ELP2: variants seen among roughly 807,000 people sequenced by gnomAD.
ELP2 encodes elongator complex protein 2.
ELP2 carries 90 observed loss-of-function variants against 119.2 expected under a neutral mutation model. The ratio of observed to expected loss-of-function variants is 0.75; its 90% confidence interval spans 0.64 to 0.90. The LOEUF (loss-of-function observed/expected upper bound fraction) is 0.90, where lower values mean the gene tolerates loss of function less well. Among genes scored for constraint, ELP2 ranks in the 40% least tolerant of loss-of-function variants. The probability of loss-of-function intolerance (pLI) is 0.00; values close to 1 mark genes in which losing one functional copy is unlikely to be tolerated. For missense variants in ELP2, 921 were observed against 967.8 expected (o/e 0.95, Z 0.64); for synonymous variants, 339 against 331.0 (o/e 1.02, Z -0.26).
Position 36,144,902 on chromosome 18 carries a change from C to T in ELP2, c.797-37C>T, listed in dbSNP as rs756348121. ...TATGGAAATATTCTTTTTAGAAGAG[C>T]TTTGAGGAAATAATACCTTCATTGC... is the stretch of plus-strand genomic sequence containing the variant. On this transcript the variant is annotated intron_variant, in intron 8 of 21. Coordinates refer to ENST00000358232, the MANE Select transcript of ELP2 (RefSeq NM_018255.4). 8 of 1,519,632 alleles carry T rather than the reference C, an allele frequency of 5.3e-6. No homozygotes were observed. The East Asian group carries it at 1.4e-4, about 26-fold the overall frequency. 94.1% of individuals were successfully genotyped at this position (1,519,632 alleles called of 1,614,324 possible).
intron 1 of ELP2, 133 bp downstream of exon 1, chr18:36,130,204 G>A: frequency 2.5e-6 from 3 of 1,202,416 alleles, no homozygotes; most frequent in Admixed American, 1.8e-5. Flanking sequence ...CGGGGTTTGG[G>A]CTCGGAGTCT....
chr18:36,139,412 T>G lies in ELP2; in HGVS notation c.523+540T>G, dbSNP rs1045910547. Reference sequence around the variant, plus strand: ...GTGTGAGTGAGTCAGCCTCTTTGCCTCCACAGTTACCTGGAAGACTGGCCA... The same window carrying G: ...GTGTGAGTGAGTCAGCCTCTTTGCCGCCACAGTTACCTGGAAGACTGGCCA... On this transcript the variant is annotated intron_variant, in intron 5 of 21. Coordinates refer to ENST00000358232, the MANE Select transcript of ELP2 (RefSeq NM_018255.4). 5 of 1,534,982 alleles carry G rather than the reference T, an allele frequency of 3.3e-6. No homozygotes were observed. In the East Asian group the frequency reaches 1.2e-4, roughly 38 times the overall value.
chr18:36,164,672 A>G lies in ELP2; in HGVS notation c.1954+5A>G. Reference sequence around the variant, plus strand: ...ATACAATCTCACCTGAGTTCGGTAAAACAGCTTCTGATTGGGAAAGTTATT... The same window carrying G: ...ATACAATCTCACCTGAGTTCGGTAAGACAGCTTCTGATTGGGAAAGTTATT... On this transcript the variant is annotated splice_donor_5th_base_variant and intron_variant, in intron 18 of 21. Transcript: ENST00000358232. 1 of 1,613,916 alleles carries G rather than the reference A, an allele frequency of 6.2e-7. No individual in the cohort carries two copies. The highest frequency in any genetic ancestry group is 1.1e-5 in the South Asian group (1 of 91,080).
At chr18:36,156,805 T>G (rs1331503042) in intron 13 of ELP2, 151 bp downstream of exon 13, 2 of 749,532 alleles carry the variant, frequency 2.7e-6, no homozygotes, top group Admixed American at 5.4e-5. Flanking sequence ...TTGTGCACTG[T>G]GGGGTGTAAT....
rs554587235 is a variant in ELP2 at position 36,138,299 on chromosome 18, T to G, written c.318T>G (p.His106Gln). The change falls in exon 4 of 22, where the codon CAT (histidine) becomes CAG (glutamine). Residue 106 changes from histidine (H) to glutamine (Q), a missense_variant. Physicochemically the swap from His to Gln is conservative, Grantham distance 24. Coordinates refer to ENST00000358232, the MANE Select transcript of ELP2 (RefSeq NM_018255.4). ...TAAAAGCAGTGCATCTTCAAGGCCA[T>G]GAAGGACCTGTTTATGCGGTGCATG... ...QLLKAVHLQG[H>Q]EGPVYAVHAV... is the part of the protein sequence containing the mutation. The G allele has an allele frequency of 6.2e-7, 1 of 1,614,138 alleles. No individual in the cohort carries two copies. Among genetic ancestry groups the G allele is most frequent in the Non-Finnish European group, 8.5e-7 (1 of 1,180,004 alleles).
At chr18:36,161,067 A>T in intron 17 of ELP2, 63 bp downstream of exon 17, 1 of 1,212,462 alleles carries the variant, frequency 8.2e-7, no homozygotes, top group Non-Finnish European at 1.2e-6. Flanking sequence ...GGCTCCTGCA[A>T]GTTTGGTAAT....
intron 18 of ELP2, among the ~76,000 whole-genome samples, chr18:36,166,386 A>G (rs1302900195): frequency 8.8e-6 from 1 of 114,208 alleles, no homozygotes; most frequent in Non-Finnish European, 1.6e-5. Flanking sequence ...GCTGGAGTGC[A>G]GTGGTATGAT....
intron 17 of ELP2, among the ~76,000 whole-genome samples, chr18:36,161,541 T>C (rs975723846): frequency 1.3e-5 from 2 of 152,188 alleles, no homozygotes; most frequent in Non-Finnish European, 1.5e-5. Flanking sequence ...TGACCTAAGG[T>C]AGATGACTTT....
rs774777738 is a variant in ELP2 at position 36,146,343 on chromosome 18, G to A, written c.1087G>A (p.Gly363Arg). 2.2e-5 allele frequency: 35 copies of A among 1,613,876 alleles called. No individual in the cohort carries two copies. The Admixed American group carries it at 4.8e-4, about 22-fold the overall frequency. The stretch of plus-strand genomic sequence containing the variant: ...CATGATCATTGCTCATGCTTTCCAC[G>A]GAGCGTTGCACCTTTGGAAACAGAA... ...GSMIIAHAFH[G>R]ALHLWKQNTV... Residue 363 changes from glycine to arginine, a missense_variant, in exon 11 of 22, where the codon GGA (glycine) becomes AGA (arginine). Physicochemically the swap from Gly to Arg is moderately radical, Grantham distance 125. Transcript: ENST00000358232.
At chr18:36,146,217 A>C in intron 10 of ELP2, 33 bp from the exon 11 acceptor site, 1 of 1,613,800 alleles carries the variant, frequency 6.2e-7, no homozygotes, top group African/African-American at 1.3e-5. Context: ...TAGACTATTG[A>C]TTAAGAATTG....
chr18:36,141,134 C>G lies in ELP2; in HGVS notation c.524-3C>G, dbSNP rs368472772. On this transcript the variant is annotated splice_polypyrimidine_tract_variant and splice_region_variant and intron_variant, in intron 5 of 21. Coordinates refer to ENST00000358232, the MANE Select transcript of ELP2 (RefSeq NM_018255.4). The stretch of plus-strand genomic sequence containing the variant: ...CAGTGAAGCCTGTTTTTTCTTCCCC[C>G]AGTACCAATATTAGCATGTGGCAAT... 5.6e-6 allele frequency: 9 copies of G among 1,612,884 alleles called. No homozygotes were observed. The highest frequency in any genetic ancestry group is 7.6e-6 in the Non-Finnish European group (9 of 1,179,132).
intron 19 of ELP2, among the ~76,000 whole-genome samples, chr18:36,169,775 A>C (rs1296834653): frequency 6.6e-6 from 1 of 151,842 alleles, no homozygotes; most frequent in Non-Finnish European, 1.5e-5. Context: ...GATCAGAACC[A>C]ATTTGTGAGT....
intron 3 of ELP2, 125 bp from the exon 4 acceptor site, chr18:36,138,145 A>C (rs2089897106): frequency 1.1e-6 from 1 of 914,096 alleles, no homozygotes; most frequent in Admixed American, 2.2e-5. Context: ...GACTTCTTGA[A>C]AAATTCTTTT....
intron 3 of ELP2, chr18:36,137,992 C>G (rs527816537): frequency 7.8e-6 from 3 of 385,254 alleles, no homozygotes; most frequent in Middle Eastern, 8.2e-4. Context: ...ATGAAAATCA[C>G]ACTAATCCAA....
chr18:36,133,897 GTTTTTTTTTTTTTTTTT>G (rs57135329), intron 2 of ELP2, among the ~76,000 whole-genome samples: 3 of 60,756 alleles, frequency 4.9e-5, no homozygotes, highest in Admixed American at 5.8e-4. Context: ...TTTTTTAGGG[GTTTTTTTTTTTTTTTTT>G]TTTTTTTTTT....
intron 21 of ELP2, 103 bp from the exon 22 acceptor site, chr18:36,174,382 C>G: frequency 8.8e-7 from 1 of 1,135,286 alleles, no homozygotes. Flanking sequence ...GTTAATGATG[C>G]GATTTTAAAA....
At chr18:36,146,961 C>T (rs1187297377) in intron 11 of ELP2, among the ~76,000 whole-genome samples, 4 of 151,994 alleles carry the variant, frequency 2.6e-5, no homozygotes, top group Non-Finnish European at 4.4e-5. Context: ...ATAGCAAGAA[C>T]GGAGTGGCCA....
intron 3 of ELP2, 54 bp from the exon 4 acceptor site, chr18:36,138,216 A>C: frequency 6.3e-7 from 1 of 1,576,020 alleles, no homozygotes; most frequent in Non-Finnish European, 8.7e-7. Context: ...CAATTAAATA[A>C]AGGTAAAAAA....
chr18:36,149,502 T>A (rs1490817423), intron 11 of ELP2, among the ~76,000 whole-genome samples: 1 of 147,438 alleles, frequency 6.8e-6, no homozygotes, highest in Non-Finnish European at 1.5e-5. Flanking sequence ...TTTTTTTTTT[T>A]GCTTAGAAAT....
Sources: gnomAD v4.1 joint callset for allele counts (sites outside exome capture counted in the v4.1 genomes callset) on GRCh38, gnomAD v4.1.1 for gene constraint, MANE v1.5 for transcripts, NCBI Gene and HGNC (gene_info 2026-07-23, HGNC 2026-07-21) for gene names.